The following L3MBTL4 variants were observed in gnomAD, a reference collection of about 807,000 sequenced individuals.
L3MBTL4 encodes the protein L3MBTL histone methyl-lysine binding protein 4, also known as lethal(3)malignant brain tumor-like protein 4.
Under a neutral mutation model 84.5 loss-of-function variants are expected in L3MBTL4, and 70 were observed. That is an observed-to-expected ratio of 0.83 (90% CI 0.68 to 1.01). The LOEUF (loss-of-function observed/expected upper bound fraction) is 1.01, where lower values mean the gene tolerates loss of function less well. L3MBTL4 is among the 50% of genes least tolerant of loss of function. The pLI is 0.00. For missense variants in L3MBTL4, 715 were observed against 754.8 expected, an observed-to-expected ratio of 0.95 and a Z score of 0.62; for synonymous variants, 274 against 259.8, an observed-to-expected ratio of 1.05 and a Z score of -0.52.
chr18:6,170,723 T>C (rs1568248563), intron 13 of L3MBTL4, among the ~76,000 whole-genome samples: 1 of 151,882 alleles, frequency 6.6e-6, no homozygotes, highest in African/African-American at 2.4e-5. Flanking sequence ...GAGGCATGGA[T>C]GTACAGGGGT....
intron 5 of L3MBTL4, among the ~76,000 whole-genome samples, chr18:6,252,129 T>C (rs2047948470): frequency 6.6e-6 from 1 of 152,100 alleles, no homozygotes; most frequent in South Asian, 2.1e-4. Context: ...CTGGCCAACA[T>C]GGCTAAACCC....
intron 10 of L3MBTL4, among the ~76,000 whole-genome samples, chr18:6,221,611 T>C (rs941245749): frequency 6.6e-6 from 1 of 152,146 alleles, no homozygotes; most frequent in Non-Finnish European, 1.5e-5. Context: ...AATCAAAACT[T>C]CTAAAGAGCT....
chr18:6,293,303 G>A (rs376293974), intron 4 of L3MBTL4, among the ~76,000 whole-genome samples: 98 of 152,198 alleles, frequency 6.4e-4, no homozygotes, highest in African/African-American at 2.3e-3. Context: ...AGAAATGACT[G>A]ATTCAACGTC....
chr18:6,092,415 C>T (rs2058489539), intron 15 of L3MBTL4, among the ~76,000 whole-genome samples: 1 of 152,208 alleles, frequency 6.6e-6, no homozygotes, highest in African/African-American at 2.4e-5. Context: ...GGAAACTCTG[C>T]ACACACAGAG....
chr18:5,990,770 GGTGTGTGTGT>G (rs34551806), intron 16 of L3MBTL4, among the ~76,000 whole-genome samples: 1 of 142,364 alleles, frequency 7.0e-6, no homozygotes, highest in Non-Finnish European at 1.5e-5. Flanking sequence ...GGTTCATGTG[GGTGTGTGTGT>G]GTGTGTGTGT....
chr18:6,365,092 T>C (rs954749073), intron 1 of L3MBTL4, among the ~76,000 whole-genome samples: 1 of 152,222 alleles, frequency 6.6e-6, no homozygotes, highest in Non-Finnish European at 1.5e-5. Context: ...TGAATATTTA[T>C]ATGTATAATC....
In L3MBTL4 at chr18:6,414,065, G is replaced by T. The variant is rs1453974824; in HGVS notation, c.-91+736C>A. The T allele has an allele frequency of 6.6e-6, 1 of 152,234 alleles. No homozygotes were observed. Among genetic ancestry groups the T allele is most frequent in the Non-Finnish European group, 1.5e-5 (1 of 68,064 alleles). 9.4% of individuals were successfully genotyped at this position (152,234 alleles called of 1,614,324 possible). A position where few individuals can be genotyped will look rare whatever the true frequency, so the allele number is the denominator to read the frequency against. On this transcript the variant is annotated intron_variant, in intron 1 of 18. Transcript: ENST00000317931. The surrounding 1 kb of genome is among the most constrained non-coding windows in gnomAD (Gnocchi z 5.4). Reference sequence around the variant, plus strand: ...CTCGCGTCCACCTGGGACCAAGCGGGCCCAAGAAGGCCCGGAGAGCAGGCG... The same window carrying T: ...CTCGCGTCCACCTGGGACCAAGCGGTCCCAAGAAGGCCCGGAGAGCAGGCG...
At chr18:6,086,323 T>C (rs1430871694) in intron 15 of L3MBTL4, among the ~76,000 whole-genome samples, 2 of 152,194 alleles carry the variant, frequency 1.3e-5, no homozygotes, top group South Asian at 2.1e-4. Context: ...TTCTGTGGCA[T>C]TTAGTCACTG....
intron 14 of L3MBTL4, among the ~76,000 whole-genome samples, chr18:6,125,724 C>A (rs1409519515): frequency 6.6e-6 from 1 of 152,206 alleles, no homozygotes; most frequent in Non-Finnish European, 1.5e-5. Flanking sequence ...GCCACTGTGC[C>A]TGACCTTCTT....
chr18:6,165,515 G>A (rs909945507), intron 13 of L3MBTL4, among the ~76,000 whole-genome samples: 9 of 151,594 alleles, frequency 5.9e-5, no homozygotes, highest in Non-Finnish European at 1.3e-4. Context: ...GAAGAGAGTG[G>A]GGGCCAATAT....
intron 14 of L3MBTL4, among the ~76,000 whole-genome samples, chr18:6,137,426 T>C (rs2060057137): frequency 6.6e-6 from 1 of 152,236 alleles, no homozygotes; most frequent in Non-Finnish European, 1.5e-5. Flanking sequence ...AGCATGGACT[T>C]CCTGTATTAT....
intron 8 of L3MBTL4, among the ~76,000 whole-genome samples, chr18:6,240,816 T>C (rs1484660111): frequency 2.0e-5 from 3 of 152,230 alleles, no homozygotes; most frequent in Non-Finnish European, 2.9e-5. Flanking sequence ...TGACACCGCC[T>C]GCCAGTGGCA....
At chr18:5,971,326 G>T (rs902544360) in intron 16 of L3MBTL4, among the ~76,000 whole-genome samples, 22 of 152,196 alleles carry the variant, frequency 1.4e-4, no homozygotes, top group African/African-American at 5.3e-4. Flanking sequence ...TGGGAAGCCA[G>T]GAGTTAAAGC....
chr18:6,203,861 C>A (rs1353282245), intron 12 of L3MBTL4, among the ~76,000 whole-genome samples: 1 of 152,168 alleles, frequency 6.6e-6, no homozygotes, highest in African/African-American at 2.4e-5. Context: ...CTCTAGAGAG[C>A]CCTACCTGTA....
At chr18:6,230,214 T>C (rs182716289) in intron 10 of L3MBTL4, among the ~76,000 whole-genome samples, 1 of 152,164 alleles carries the variant, frequency 6.6e-6, no homozygotes, top group African/African-American at 2.4e-5. Context: ...CAGGTAGATT[T>C]TCGATCTCTC....
At chr18:6,312,131 G>A (rs1159997353) in intron 1 of L3MBTL4, 75 bp from the exon 2 acceptor site, 1 of 152,360 alleles carries the variant, frequency 6.6e-6, no homozygotes, top group African/African-American at 2.4e-5. Flanking sequence ...CATAAACAGT[G>A]GTAGACATTC....
intron 16 of L3MBTL4, among the ~76,000 whole-genome samples, chr18:5,986,109 G>T (rs1426961930): frequency 1.3e-5 from 2 of 152,190 alleles, no homozygotes; most frequent in Admixed American, 1.3e-4. Context: ...ACCTGAGAAT[G>T]AAATAAGAAG....
chr18:6,311,227 G>A (rs950679785), intron 3 of L3MBTL4, among the ~76,000 whole-genome samples: 1 of 151,602 alleles, frequency 6.6e-6, no homozygotes, highest in African/African-American at 2.4e-5. Context: ...GGTCATCCTA[G>A]GGGGTCCTGT....
intron 16 of L3MBTL4, among the ~76,000 whole-genome samples, chr18:6,006,350 C>A (rs2054487871): frequency 6.6e-6 from 1 of 152,140 alleles, no homozygotes; most frequent in Admixed American, 6.6e-5. Flanking sequence ...AGAATATGCT[C>A]CTTGACTGCT....
Sources: gnomAD v4.1 joint callset for allele counts (sites outside exome capture counted in the v4.1 genomes callset) on GRCh38, gnomAD v4.1.1 for gene constraint, Gnocchi (gnomAD v3.1) non-coding constraint, MANE v1.5 for transcripts, NCBI Gene and HGNC (gene_info 2026-07-23, HGNC 2026-07-21) for gene names.